Variants in LINGO2 observed in about 807,000 individuals in gnomAD.
LINGO2 encodes leucine rich repeat and Ig domain containing 2, also known as leucine-rich repeat and immunoglobulin-like domain-containing nogo receptor-interacting protein 2.
Under a neutral mutation model 30.6 loss-of-function variants are expected in LINGO2, and 14 were observed. The observed-to-expected ratio is 0.46, with a 90% CI of 0.30 to 0.72. The LOEUF (loss-of-function observed/expected upper bound fraction) is 0.72, where lower values mean the gene tolerates loss of function less well. Among genes scored for constraint, LINGO2 ranks in the 30% least tolerant of loss-of-function variants. The probability of loss-of-function intolerance (pLI) is 0.07; values close to 1 mark genes in which losing one functional copy is unlikely to be tolerated. For synonymous variants in LINGO2, 317 were observed against 288.5 expected (o/e 1.10, Z -1.00); for missense variants, 729 against 751.7 (o/e 0.97, Z 0.35).
chr9:29,098,701 C>A, the LINGO2 span, among the ~76,000 whole-genome samples: 552 of 152,190 alleles, frequency 3.6e-3, 6 homozygotes, highest in African/African-American at 0.013. Flanking sequence ...ATTCATGATA[C>A]TGCTGATATT....
At position 28,474,960 on chromosome 9, in the gene LINGO2, T is replaced by C. The variant is rs1825672589; in HGVS notation, c.-279+980A>G. ...CTGTATATTTTCTGTCTTCTTTTTA[T>C]CATTTCATTTTTTCTAGCAAGTTTT... On this transcript the variant is annotated intron_variant, in intron 2 of 5. Coordinates refer to ENST00000379992, the Ensembl canonical transcript of LINGO2. Among the ~76,000 whole-genome samples, 3 of 152,294 alleles carry C rather than the reference T, an allele frequency of 2.0e-5. No individual in the cohort carries two copies. The South Asian group carries it at 6.2e-4, about 32-fold the overall frequency.
chr9:27,987,693 G>A (rs1821190913), intron 5 of LINGO2, among the ~76,000 whole-genome samples: 1 of 151,886 alleles, frequency 6.6e-6, no homozygotes, highest in African/African-American at 2.4e-5. Context: ...GTAAGTGAAT[G>A]CTATTGTGTT....
At chr9:29,013,588 G>A in the LINGO2 span, among the ~76,000 whole-genome samples, 4 of 151,990 alleles carry the variant, frequency 2.6e-5, no homozygotes, top group African/African-American at 9.7e-5. Context: ...ATACTATGAG[G>A]ATTCTGCTTG....
chr9:28,999,262 C>T, the LINGO2 span, among the ~76,000 whole-genome samples: 1 of 151,940 alleles, frequency 6.6e-6, no homozygotes, highest in South Asian at 2.1e-4. Context: ...CTGATCAGAG[C>T]CAAACATATG....
intron 1 of LINGO2, among the ~76,000 whole-genome samples, chr9:28,554,087 C>A (rs1822489216): frequency 6.6e-6 from 1 of 151,978 alleles, no homozygotes; most frequent in Non-Finnish European, 1.5e-5. Context: ...GAAACTGCAT[C>A]AACTAACGAG....
At position 28,268,456 on chromosome 9, in the gene LINGO2, A is replaced by G. The variant is rs144553413; in HGVS notation, c.-87+26752T>C. Among the ~76,000 whole-genome samples the G allele has an allele frequency of 6.5e-4, 99 of 152,172 alleles. 1 individual carries two copies. Among genetic ancestry groups the G allele is most frequent in the Middle Eastern group, 6.8e-3 (2 of 294 alleles). On this transcript the variant is annotated intron_variant, in intron 4 of 5. Transcript: ENST00000379992. ...ATAAAACACCACCATCCAGGTTTTCAGGTAATTGCATTTATTGATTCAGGT... is the reference window on the plus strand; with the variant it reads ...ATAAAACACCACCATCCAGGTTTTCGGGTAATTGCATTTATTGATTCAGGT...
intron 1 of LINGO2, among the ~76,000 whole-genome samples, chr9:28,548,568 C>G (rs7851889): frequency 0.69 from 104,392 of 151,266 alleles, 36,536 homozygotes; most frequent in East Asian, 0.84. Flanking sequence ...GCCAGGTGTG[C>G]TGGTAGGCAC....
At chr9:28,677,510 T>C in the LINGO2 span, among the ~76,000 whole-genome samples, 7 of 152,158 alleles carry the variant, frequency 4.6e-5, no homozygotes, top group Non-Finnish European at 8.8e-5. Context: ...AGGAGGCTTA[T>C]ATGAGTACTG....
At chr9:28,645,021 T>C (rs893496) in intron 1 of LINGO2, among the ~76,000 whole-genome samples, 53,566 of 151,838 alleles carry the variant, frequency 0.35, 10,255 homozygotes, top group African/African-American at 0.47. Flanking sequence ...TGCATTTATA[T>C]CATGTGATAA....
chr9:29,015,748 G>A, the LINGO2 span, among the ~76,000 whole-genome samples: 2 of 152,040 alleles, frequency 1.3e-5, no homozygotes, highest in Non-Finnish European at 2.9e-5. Flanking sequence ...GCTTCAGAAG[G>A]GAGATGTCAG....
intron 4 of LINGO2, among the ~76,000 whole-genome samples, chr9:28,071,365 A>G (rs1469431668): frequency 6.6e-6 from 1 of 152,082 alleles, no homozygotes; most frequent in Non-Finnish European, 1.5e-5. Context: ...TAGTCCTTTA[A>G]TATAGAAACT....
chr9:28,239,037 C>T (rs1821682292), intron 4 of LINGO2, among the ~76,000 whole-genome samples: 1 of 151,922 alleles, frequency 6.6e-6, no homozygotes, highest in Non-Finnish European at 1.5e-5. Context: ...ATGGGAAGAT[C>T]TAGAATAAAT....
intron 1 of LINGO2, among the ~76,000 whole-genome samples, chr9:28,555,768 A>C (rs1178760907): frequency 6.6e-6 from 1 of 152,064 alleles, no homozygotes; most frequent in Non-Finnish European, 1.5e-5. Context: ...GGCAAACTGA[A>C]TCCAGCAGCA....
At chr9:28,266,684 A>G (rs906584297) in intron 4 of LINGO2, among the ~76,000 whole-genome samples, 1 of 152,010 alleles carries the variant, frequency 6.6e-6, no homozygotes, top group Non-Finnish European at 1.5e-5. Flanking sequence ...ATGCAGAGGC[A>G]GTTAAACCAG....
rs563687157 is a variant in LINGO2 at position 28,400,756 on chromosome 9, C to A, written c.-278-27888G>T. Among the ~76,000 whole-genome samples, 5 of 152,162 alleles carry A rather than the reference C, an allele frequency of 3.3e-5. No individual in the cohort carries two copies. The South Asian group carries it at 1.0e-3, about 32-fold the overall frequency. ...TCAAACTTAAAGCTTAATGCAGGTG[C>A]AGGAAAACATTAACAAAAGATGAAA... is the stretch of plus-strand genomic sequence containing the variant. On this transcript the variant is annotated intron_variant, in intron 2 of 5. Transcript: ENST00000379992.
At chr9:28,668,196 T>G (rs1213380588) in intron 1 of LINGO2, among the ~76,000 whole-genome samples, 1 of 152,138 alleles carries the variant, frequency 6.6e-6, no homozygotes, top group Non-Finnish European at 1.5e-5. Context: ...AATAATTCAG[T>G]ACCCGAGGTG....
chr9:28,555,518 C>A (rs1822610098), intron 1 of LINGO2, among the ~76,000 whole-genome samples: 1 of 151,968 alleles, frequency 6.6e-6, no homozygotes, highest in African/African-American at 2.4e-5. Context: ...GCTTACCAAC[C>A]AATAAGAGTC....
chr9:28,098,978 A>G (rs1826330120), intron 4 of LINGO2, among the ~76,000 whole-genome samples: 1 of 152,180 alleles, frequency 6.6e-6, no homozygotes, highest in East Asian at 1.9e-4. Context: ...TTCATGCTAC[A>G]CTGAAGCTGG....
At chr9:28,961,002 G>C in the LINGO2 span, among the ~76,000 whole-genome samples, 1 of 152,094 alleles carries the variant, frequency 6.6e-6, no homozygotes, top group Non-Finnish European at 1.5e-5. Context: ...TCTTTAAAAT[G>C]ACCAAATGCC....
Sources: allele counts gnomAD v4.1 joint callset (sites outside exome capture counted in the v4.1 genomes callset), GRCh38; gene constraint gnomAD v4.1.1; transcripts MANE v1.5; gene names NCBI Gene and HGNC (gene_info 2026-07-23, HGNC 2026-07-21).